Variants in CA12 observed in about 807,000 individuals in gnomAD.
CA12 encodes carbonate dehydratase XII.
CA12 carries 36 observed loss-of-function variants against 46.8 expected under a neutral mutation model. The ratio of observed to expected loss-of-function variants is 0.77; its 90% CI spans 0.59 to 1.02. The LOEUF is 1.02. Ranked by LOEUF, CA12 falls within the 50% of genes least tolerant of loss-of-function variation. The pLI, the probability that CA12 is intolerant of heterozygous loss-of-function variation, is 0.00. For synonymous variants in CA12, 202 were observed against 187.0 expected (o/e 1.08, Z -0.65); for missense variants, 436 against 451.4 (o/e 0.97, Z 0.31).
intron 4 of CA12, 90 bp from the exon 5 acceptor site, chr15:63,342,187 C>G (rs2152616532): frequency 3.6e-6 from 3 of 822,500 alleles, no homozygotes; most frequent in East Asian, 2.6e-5. Flanking sequence ...ACTGTGAGGA[C>G]AGAACCCCAG....
In CA12 at chr15:63,328,133, TAAAAGGG is replaced by T. The variant is rs1567040068; in HGVS notation, c.875-10_875-4del. On this transcript the variant is annotated splice_region_variant and splice_polypyrimidine_tract_variant and intron_variant, in intron 8 of 10. Coordinates refer to ENST00000178638, the MANE Select transcript of CA12 (RefSeq NM_001218.5). The surrounding 1 kb of genome is among the most constrained non-coding windows in gnomAD (Gnocchi z 5.9). ...TCCTGCCGCAGTACAGACTTGCACTTAAAAGGGGAGAGGAAAAGACGAGGTTACTCTA... is the reference window on the plus strand; with the variant it reads ...TCCTGCCGCAGTACAGACTTGCACTTGAGAGGAAAAGACGAGGTTACTCTA... 6.2e-7 allele frequency: 1 copy of T among 1,613,822 alleles called. No homozygotes were observed. The highest frequency in any genetic ancestry group is 1.7e-5 in the Admixed American group (1 of 60,022).
intron 8 of CA12, among the ~76,000 whole-genome samples, chr15:63,333,877 G>A (rs1462321930): frequency 6.6e-6 from 1 of 152,208 alleles, no homozygotes. Flanking sequence ...TGTGATTATA[G>A]AAACTTCTTG....
At chr15:63,351,718 C>T (rs1381428849) in intron 2 of CA12, among the ~76,000 whole-genome samples, 3 of 152,202 alleles carry the variant, frequency 2.0e-5, no homozygotes, top group African/African-American at 7.2e-5. Flanking sequence ...AAAGCTACCC[C>T]AGTGCTTTCT....
chr15:63,379,845 GC>G (rs1567058107), intron 1 of CA12, among the ~76,000 whole-genome samples: 2 of 152,176 alleles, frequency 1.3e-5, no homozygotes, highest in Non-Finnish European at 2.9e-5. Context: ...TCACTGAAAT[GC>G]CCCCCAAAGC....
chr15:63,347,404 AT>A (rs758477072), intron 2 of CA12, among the ~76,000 whole-genome samples: 5 of 152,200 alleles, frequency 3.3e-5, no homozygotes, highest in Non-Finnish European at 7.3e-5. Context: ...GATAGGGATG[AT>A]TGACAAATGT....
At chr15:63,368,135 G>A (rs188310008) in intron 2 of CA12, among the ~76,000 whole-genome samples, 1 of 152,258 alleles carries the variant, frequency 6.6e-6, no homozygotes, top group Non-Finnish European at 1.5e-5. Flanking sequence ...CTCTGTATTC[G>A]TGGAATAGCT....
rs187470239 is a variant in CA12, at chr15:63,378,544, C to T, written c.86-2866G>A. Among the ~76,000 whole-genome samples, 67 of 152,238 alleles carry T rather than the reference C, an allele frequency of 4.4e-4. No homozygotes were observed. Among genetic ancestry groups the T allele is most frequent in the Admixed American group, 1.8e-3 (27 of 15,304 alleles). ...ATTAGTAATTAGACATTCAGAACCA[C>T]GGGGAAACCAAACTTGTATGTGACC... is the stretch of plus-strand genomic sequence containing the variant. On this transcript the variant is annotated intron_variant, in intron 1 of 10. Transcript: ENST00000178638. This position sits in a 1 kb window ranked among gnomAD's most constrained non-coding sequence, Gnocchi z 4.8.
intron 1 of CA12, 36 bp from the exon 2 acceptor site, chr15:63,375,714 G>A (rs534836734): frequency 6.5e-7 from 1 of 1,533,120 alleles, no homozygotes; most frequent in East Asian, 2.2e-5. Flanking sequence ...AAGTACAATG[G>A]AACCAGATGA....
At chr15:63,357,258 T>A (rs923160790) in intron 2 of CA12, among the ~76,000 whole-genome samples, 2 of 152,244 alleles carry the variant, frequency 1.3e-5, no homozygotes, top group Middle Eastern at 3.2e-3. Flanking sequence ...CACAGACTGC[T>A]GGGCCACACC....
At chr15:63,354,600 G>A (rs1253084662) in intron 2 of CA12, among the ~76,000 whole-genome samples, 1 of 152,114 alleles carries the variant, frequency 6.6e-6, no homozygotes, top group East Asian at 1.9e-4. Context: ...ACACCATCCT[G>A]AGGATGTCTG....
Position 63,326,143 on chromosome 15 carries a change from C to G in CA12, c.*142G>C, listed in dbSNP as rs888028360. 2.4e-5 allele frequency: 17 copies of G among 717,410 alleles called. No individual in the cohort carries two copies. In the Admixed American group the frequency reaches 3.4e-4, roughly 14 times the overall value. 44.4% of individuals were successfully genotyped at this position (717,410 alleles called of 1,614,324 possible). A position where few individuals can be genotyped will look rare whatever the true frequency, so the allele number is the denominator to read the frequency against. On this transcript the variant is annotated 3_prime_UTR_variant, in exon 11 of 11. Coordinates refer to ENST00000178638, the MANE Select transcript of CA12 (RefSeq NM_001218.5). ...CATGGTCCCAAGGCAAGGAGGCACC[C>G]AGCAGAGGATCCCTGAGGCCTGGCA...
rs1175987094 is a variant in CA12, at chr15:63,373,570, T to G, written c.106+2088A>C. Among the ~76,000 whole-genome samples, 4 of 152,152 alleles carry G rather than the reference T, an allele frequency of 2.6e-5. No individual in the cohort carries two copies. Among genetic ancestry groups the G allele is most frequent in the Non-Finnish European group, 5.9e-5 (4 of 68,022 alleles). On this transcript the variant is annotated intron_variant, in intron 2 of 10. Coordinates refer to ENST00000178638, the MANE Select transcript of CA12 (RefSeq NM_001218.5). This position sits in a 1 kb window ranked among gnomAD's most constrained non-coding sequence, Gnocchi z 4.9. ...ATAGACAGGTCTTGGGAACCATGGG[T>G]CAGTGATTCTCTGATAGAGTGCAGC...
At position 63,345,675 on chromosome 15, in the gene CA12, G is replaced by A. The variant is rs777288729; in HGVS notation, c.287-56C>T. The A allele has an allele frequency of 1.8e-4, 289 of 1,579,852 alleles. No individual in the cohort carries two copies. The highest frequency in any genetic ancestry group is 2.3e-4 in the Non-Finnish European group (269 of 1,168,242). ...CCCCGGCCAGCTGTGCACTGCCAGA[G>A]AGCAGTCAGGTAGGCAATGCTCCCT... On this transcript the variant is annotated intron_variant, in intron 3 of 10. Transcript: ENST00000178638. This position sits in a 1 kb window ranked among gnomAD's most constrained non-coding sequence, Gnocchi z 4.3.
At chr15:63,358,684 T>A (rs2039322284) in intron 2 of CA12, among the ~76,000 whole-genome samples, 1 of 152,190 alleles carries the variant, frequency 6.6e-6, no homozygotes. Flanking sequence ...AATGTGACCT[T>A]GAACTAACTC....
chr15:63,344,403 T>C (rs1433576074), intron 4 of CA12, among the ~76,000 whole-genome samples: 1 of 152,260 alleles, frequency 6.6e-6, no homozygotes, highest in Admixed American at 6.5e-5. Context: ...AATAAACTTC[T>C]AAATGGATTG....
chr15:63,362,951 G>A (rs536539177), intron 2 of CA12, among the ~76,000 whole-genome samples: 2 of 152,268 alleles, frequency 1.3e-5, no homozygotes, highest in Admixed American at 6.5e-5. Flanking sequence ...CTCTGCCACC[G>A]ACTAGCTATG....
At chr15:63,362,663 C>T (rs573826940) in intron 2 of CA12, among the ~76,000 whole-genome samples, 28 of 152,296 alleles carry the variant, frequency 1.8e-4, no homozygotes, top group Non-Finnish European at 3.7e-4. Context: ...GAAGATTGGC[C>T]GCTGGACGTT....
Position 63,345,396 on chromosome 15 carries a change from T to C in CA12, c.429+81A>G. ...GGCAGCCTGTCCCATGCTCTGGTGTTATCTGCACAGCAGCCAGGTCGAGAA... is the reference window on the plus strand; with the variant it reads ...GGCAGCCTGTCCCATGCTCTGGTGTCATCTGCACAGCAGCCAGGTCGAGAA... On this transcript the variant is annotated intron_variant, in intron 4 of 10. Coordinates refer to ENST00000178638, the MANE Select transcript of CA12 (RefSeq NM_001218.5). This position sits in a 1 kb window ranked among gnomAD's most constrained non-coding sequence, Gnocchi z 4.3. 1 of 1,566,532 alleles carries C rather than the reference T, an allele frequency of 6.4e-7. No homozygotes were observed. The highest frequency in any genetic ancestry group is 8.7e-7 in the Non-Finnish European group (1 of 1,154,294).
intron 3 of CA12, 34 bp downstream of exon 3, chr15:63,346,496 C>T: frequency 1.9e-6 from 3 of 1,560,246 alleles, no homozygotes; most frequent in South Asian, 1.2e-5. Context: ...GAGACTCAGA[C>T]ATACCCCTCA....
Sources: allele counts gnomAD v4.1 joint callset (sites outside exome capture counted in the v4.1 genomes callset), GRCh38; gene constraint gnomAD v4.1.1; non-coding constraint Gnocchi (gnomAD v3.1); transcripts MANE v1.5; gene names NCBI Gene and HGNC (gene_info 2026-07-23, HGNC 2026-07-21).